The following APOL4 variants were observed in gnomAD, a reference collection of about 807,000 sequenced individuals.
APOL4 encodes the protein apolipoprotein L, 4.
In APOL4, 14 loss-of-function variants were observed where a neutral mutation model predicts 12.1. That is an observed-to-expected ratio of 1.16 (90% confidence interval 0.76 to 1.81). The LOEUF (loss-of-function observed/expected upper bound fraction) is 1.81, where lower values mean the gene tolerates loss of function less well. APOL4 is among the 40% of genes most tolerant of loss of function. The pLI, the probability that APOL4 is intolerant of heterozygous loss-of-function variation, is 0.00. For synonymous variants in APOL4, 171 were observed against 160.6 expected (o/e 1.06, Z -0.49); for missense variants, 432 against 423.1 (o/e 1.02, Z -0.18).
chr22:36,196,690 C>A (rs1206573084), intron 2 of APOL4, among the ~76,000 whole-genome samples: 1 of 152,112 alleles, frequency 6.6e-6, no homozygotes, highest in Non-Finnish European at 1.5e-5. Context: ...TTGTTTCCTG[C>A]TGTGCTCATA....
chr22:36,191,445 A>G lies in APOL4; in HGVS notation c.677T>C (p.Val226Ala). 3 of 1,614,076 alleles carry G rather than the reference A, an allele frequency of 1.9e-6. No individual in the cohort carries two copies. Among genetic ancestry groups the G allele is most frequent in the Non-Finnish European group, 2.5e-6 (3 of 1,179,896 alleles). Reference sequence around the variant, plus strand: ...GTCAAAATCAAGTGCAAAAGAAAGCACATTGGGTGTGATGTCACGCAGAAT... The same window carrying G: ...GTCAAAATCAAGTGCAAAAGAAAGCGCATTGGGTGTGATGTCACGCAGAAT... ...RDILRDITPN[V>A]LSFALDFDEA... The change falls in exon 4 of 4, where the codon GTG becomes GCG. Residue 226 changes from valine (V) to alanine (A), a missense_variant. Coordinates refer to ENST00000683024, the MANE Select transcript of APOL4 (RefSeq NM_001386885.1).
chr22:36,202,449 C>A (rs568765331), upstream of APOL4, among the ~76,000 whole-genome samples: 1 of 152,134 alleles, frequency 6.6e-6, no homozygotes, highest in Non-Finnish European at 1.5e-5. Context: ...AAAATCAGGC[C>A]GGGAGCGGTG....
chr22:36,197,622 C>T, intron 2 of APOL4: 1 of 1,536,422 alleles, frequency 6.5e-7, no homozygotes, highest in Non-Finnish European at 8.8e-7. Flanking sequence ...GAACTGGGGT[C>T]ATATCAGATG....
At chr22:36,201,931 C>G, upstream of APOL4, 3 of 1,613,160 alleles carry the variant, frequency 1.9e-6, no homozygotes, top group Non-Finnish European at 2.5e-6. Flanking sequence ...CAAGCCCTGC[C>G]CAATTGTGCA....
chr22:36,203,367 C>T (rs750437684), upstream of APOL4, among the ~76,000 whole-genome samples: 5 of 152,116 alleles, frequency 3.3e-5, no homozygotes, highest in South Asian at 2.1e-4. Flanking sequence ...CATTTGATTA[C>T]GAGGTGGGAT....
intron 3 of APOL4, among the ~76,000 whole-genome samples, chr22:36,193,745 T>C (rs141468974): frequency 6.6e-6 from 1 of 152,354 alleles, no homozygotes; most frequent in Non-Finnish European, 1.5e-5. Flanking sequence ...ATGTTCTCTC[T>C]TCCAATGCCT....
At chr22:36,195,796 A>G (rs889977888) in intron 2 of APOL4, among the ~76,000 whole-genome samples, 8 of 150,724 alleles carry the variant, frequency 5.3e-5, no homozygotes, top group African/African-American at 1.7e-4. Flanking sequence ...ACACACACAC[A>G]CACACACACA....
rs368675825 is a variant in APOL4 at position 36,191,640 on chromosome 22, G to A, written c.482C>T (p.Thr161Ile). The A allele has an allele frequency of 5.8e-5, 94 of 1,613,818 alleles. No individual in the cohort carries two copies. The highest frequency in any genetic ancestry group is 7.5e-5 in the Non-Finnish European group (88 of 1,179,836). ...AGTAATGCTCAGGCTCAGCCCTGCT[G>A]TAAATGGTGCCAACATAACGCCAAT... Reference protein sequence around the residue: ...SVIGVMLAPFTAGLSLSITAA... With the variant: ...SVIGVMLAPFIAGLSLSITAA... The change falls in exon 4 of 4, where the codon ACA (threonine) becomes ATA (isoleucine). Residue 161 changes from threonine (T) to isoleucine (I), a missense_variant. Thr to Ile is a moderately conservative substitution (Grantham distance 89, BLOSUM62 -1). Coordinates refer to ENST00000683024, the MANE Select transcript of APOL4 (RefSeq NM_001386885.1).
At chr22:36,201,820 A>G (rs1426960675), upstream of APOL4, 3 of 1,573,152 alleles carry the variant, frequency 1.9e-6, no homozygotes, top group East Asian at 2.3e-5. Flanking sequence ...GTTAGCCTCA[A>G]CTAGGACACA....
Position 36,201,770 on chromosome 22 carries a change from A to C in APOL4, c.-36T>G, listed in dbSNP as rs1011195612. The stretch of plus-strand genomic sequence containing the variant: ...CATTGTTGGCCTGGCTCAGACGCTG[A>C]TCTGGGGCCTCTGCTGAATGTTGAG... On this transcript the variant is annotated 5_prime_UTR_variant, in exon 1 of 4. Transcript: ENST00000683024. The C allele has an allele frequency of 6.6e-5, 105 of 1,596,776 alleles. No homozygotes were observed. The highest frequency in any genetic ancestry group is 8.6e-5 in the Non-Finnish European group (101 of 1,171,648).
chr22:36,192,944 T>C (rs898689237), intron 3 of APOL4, among the ~76,000 whole-genome samples: 4 of 152,182 alleles, frequency 2.6e-5, no homozygotes, highest in African/African-American at 7.2e-5. Flanking sequence ...CAAACTTCAG[T>C]TGGGCGGTTC....
In APOL4 at chr22:36,195,417, C is replaced by T; in HGVS notation, c.103G>A (p.Glu35Lys). Residue 35 changes from glutamate to lysine, a missense_variant, in exon 3 of 4, where the codon GAA (glutamate) becomes AAA (lysine). Coordinates refer to ENST00000683024, the MANE Select transcript of APOL4 (RefSeq NM_001386885.1). ...TTCTTCTGGAAGTATTCAATGACTTCTTCAGTGAAGCGTTTCTTTTCTAGT... is the reference window on the plus strand; with the variant it reads ...TTCTTCTGGAAGTATTCAATGACTTTTTCAGTGAAGCGTTTCTTTTCTAGT... ...QFQEKKRFTE[E>K]VIEYFQKKVS... 6.2e-7 allele frequency: 1 copy of T among 1,613,468 alleles called. No individual in the cohort carries two copies.
upstream of APOL4, chr22:36,202,133 G>GT: frequency 6.3e-7 from 1 of 1,594,242 alleles, no homozygotes; most frequent in Non-Finnish European, 8.6e-7. Context: ...TTAATAAACC[G>GT]TTTTGCTGTG....
intron 2 of APOL4, among the ~76,000 whole-genome samples, chr22:36,198,729 C>T (rs975582219): frequency 6.6e-6 from 1 of 152,160 alleles, no homozygotes; most frequent in Non-Finnish European, 1.5e-5. Flanking sequence ...GGCAAATATC[C>T]TAGTGGTGCA....
At chr22:36,198,592 G>A (rs555510812) in intron 2 of APOL4, among the ~76,000 whole-genome samples, 1 of 152,212 alleles carries the variant, frequency 6.6e-6, no homozygotes, top group African/African-American at 2.4e-5. Flanking sequence ...GAAGGGGGTG[G>A]CTTCCACTTA....
At chr22:36,200,763 A>T (rs1003636584) in intron 1 of APOL4, among the ~76,000 whole-genome samples, 2 of 152,264 alleles carry the variant, frequency 1.3e-5, no homozygotes, top group Admixed American at 1.3e-4. Context: ...AACTAGCAGT[A>T]TATGAAGATG....
At chr22:36,204,132 G>A (rs562905167), upstream of APOL4, among the ~76,000 whole-genome samples, 28 of 152,216 alleles carry the variant, frequency 1.8e-4, no homozygotes, top group South Asian at 6.2e-4. Context: ...ACTCAGGGTG[G>A]GTGAGATGAC....
intron 1 of APOL4, chr22:36,199,687 G>C (rs1190305326): frequency 6.6e-7 from 1 of 1,521,370 alleles, no homozygotes. Context: ...TCTATACGCA[G>C]AAATAGAGAT....
intron 2 of APOL4, among the ~76,000 whole-genome samples, 195 bp downstream of exon 2, chr22:36,199,135 C>T (rs1374577595): frequency 6.6e-6 from 1 of 152,164 alleles, no homozygotes. Context: ...ATGCAGATGC[C>T]CCCCAGAACC....
Sources: allele counts gnomAD v4.1 joint callset (sites outside exome capture counted in the v4.1 genomes callset), GRCh38; gene constraint gnomAD v4.1.1; transcripts MANE v1.5; gene names NCBI Gene and HGNC (gene_info 2026-07-23, HGNC 2026-07-21).